Variants in ULK4 observed in about 807,000 individuals in gnomAD.
ULK4 encodes the protein unc-51 like kinase 4.
ULK4 carries 133 observed loss-of-function variants against 160.6 expected under a neutral mutation model. The ratio of observed to expected loss-of-function variants is 0.83; its 90% confidence interval spans 0.72 to 0.96. ULK4 has a LOEUF of 0.96. ULK4 is among the 40% of genes least tolerant of loss of function. The pLI is 0.00. For missense variants in ULK4, 1,580 were observed against 1,499.5 expected (o/e 1.05, Z -0.89); for synonymous variants, 534 against 539.8 (o/e 0.99, Z 0.15).
chr3:41,552,672 A>C (rs2087117696), intron 32 of ULK4, among the ~76,000 whole-genome samples: 1 of 152,042 alleles, frequency 6.6e-6, no homozygotes, highest in African/African-American at 2.4e-5. Context: ...ATACTGCCCA[A>C]AAGCTATATT....
intron 17 of ULK4, among the ~76,000 whole-genome samples, chr3:41,883,221 GCTA>G (rs1463346564): frequency 1.3e-5 from 2 of 152,132 alleles, no homozygotes; most frequent in Non-Finnish European, 2.9e-5. Context: ...ATACCAGTTG[GCTA>G]CTACAGTGGA....
chr3:41,562,189 C>T (rs1347293931), intron 32 of ULK4, among the ~76,000 whole-genome samples: 1 of 152,162 alleles, frequency 6.6e-6, no homozygotes, highest in Non-Finnish European at 1.5e-5. Context: ...GTTTCCTAAT[C>T]CTGAGTTCTA....
Position 41,306,232 on chromosome 3 carries a change from C to CG in ULK4, c.3679-56659_3679-56658insC, listed in dbSNP as rs1452221844. Among the ~76,000 whole-genome samples, 892 of 96,174 alleles carry CG rather than the reference C, an allele frequency of 9.3e-3. 71 individuals carry two copies. Among genetic ancestry groups the CG allele is most frequent in the East Asian group, 0.064 (199 of 3,102 alleles). 63.1% of individuals were successfully genotyped at this position (96,174 alleles called of 152,430 possible). On this transcript the variant is annotated intron_variant, in intron 35 of 36. Transcript: ENST00000301831. ...CCGGGAGGGAGGTGGGGGCGTCAGC[C>CG]CCCCGCCCGGCCAGCCGCCCCGTCC...
intron 1 of ULK4, among the ~76,000 whole-genome samples, chr3:41,961,423 T>G (rs930999903): frequency 5.3e-5 from 8 of 152,062 alleles, no homozygotes; most frequent in African/African-American, 1.9e-4. Flanking sequence ...GTCTGCGAAA[T>G]GCCAGCCAAA....
Position 41,677,534 on chromosome 3 carries a change from T to G in ULK4, c.2978+3974A>C, listed in dbSNP as rs548605067. Among the ~76,000 whole-genome samples, 3 of 151,912 alleles carry G rather than the reference T, an allele frequency of 2.0e-5. No homozygotes were observed. The East Asian group carries it at 5.9e-4, about 30-fold the overall frequency. ...CTTTAGTAGAGACCAGGTTTCACCA[T>G]GTTAGCCAGGATGGTCTCAATCTCC... On this transcript the variant is annotated intron_variant, in intron 29 of 36. Coordinates refer to ENST00000301831, the MANE Select transcript of ULK4 (RefSeq NM_017886.4).
At chr3:41,578,412 T>C (rs1405542768) in intron 31 of ULK4, among the ~76,000 whole-genome samples, 3 of 152,196 alleles carry the variant, frequency 2.0e-5, no homozygotes, top group Admixed American at 1.3e-4. Context: ...AGAACCATTA[T>C]ATTTGTTTAG....
At chr3:41,618,120 T>C (rs1575488751) in intron 30 of ULK4, among the ~76,000 whole-genome samples, 1 of 152,156 alleles carries the variant, frequency 6.6e-6, no homozygotes. Flanking sequence ...AATATGGGAC[T>C]ATGTGAAAAG....
At chr3:41,280,683 C>T (rs924984120) in intron 35 of ULK4, among the ~76,000 whole-genome samples, 1 of 152,154 alleles carries the variant, frequency 6.6e-6, no homozygotes, top group Admixed American at 6.5e-5. Context: ...ATTTATAGCA[C>T]TAAATGCCCA....
chr3:41,949,733 C>CTTTT, intron 2 of ULK4, among the ~76,000 whole-genome samples: 1 of 145,724 alleles, frequency 6.9e-6, no homozygotes, highest in Non-Finnish European at 1.5e-5. Flanking sequence ...CCACACCTGC[C>CTTTT]TTTTTTTTTT....
chr3:41,922,804 AAAG>A (rs145251672), intron 5 of ULK4, among the ~76,000 whole-genome samples: 10 of 152,296 alleles, frequency 6.6e-5, no homozygotes, highest in Admixed American at 1.3e-4. Context: ...AGAGAAAGGG[AAAG>A]AAGATTAGAT....
At chr3:41,403,926 A>G (rs1010907356) in intron 34 of ULK4, among the ~76,000 whole-genome samples, 1 of 151,846 alleles carries the variant, frequency 6.6e-6, no homozygotes, top group Admixed American at 6.6e-5. Context: ...TTCTAGTTTG[A>G]TTCTATTGTT....
intron 18 of ULK4, among the ~76,000 whole-genome samples, chr3:41,833,335 G>T (rs190497354): frequency 2.1e-5 from 3 of 146,130 alleles, no homozygotes; most frequent in East Asian, 4.0e-4. Flanking sequence ...TTGCTCTGTC[G>T]CCCAGGCTGG....
intron 30 of ULK4, among the ~76,000 whole-genome samples, chr3:41,662,866 A>G (rs753009865): frequency 6.6e-6 from 1 of 152,090 alleles, no homozygotes; most frequent in Non-Finnish European, 1.5e-5. Flanking sequence ...TGGCATCATC[A>G]TATTCAGTAC....
At chr3:41,645,184 G>T (rs932068047) in intron 30 of ULK4, among the ~76,000 whole-genome samples, 1 of 134,794 alleles carries the variant, frequency 7.4e-6, no homozygotes, top group Non-Finnish European at 1.5e-5. Context: ...TTTTTGTGTC[G>T]TATTTCCTTC....
intron 21 of ULK4, among the ~76,000 whole-genome samples, chr3:41,781,221 A>G (rs2039829697): frequency 6.6e-6 from 1 of 152,092 alleles, no homozygotes; most frequent in Non-Finnish European, 1.5e-5. Flanking sequence ...GGTCAGGAAA[A>G]TATGAACTCT....
chr3:41,767,119 T>C (rs1348221000), intron 21 of ULK4, among the ~76,000 whole-genome samples: 1 of 152,236 alleles, frequency 6.6e-6, no homozygotes, highest in Non-Finnish European at 1.5e-5. Context: ...AAGGATATTA[T>C]TAATACTGTA....
chr3:41,663,868 G>A (rs553344617), intron 29 of ULK4, among the ~76,000 whole-genome samples, 169 bp from the exon 30 acceptor site: 41 of 152,240 alleles, frequency 2.7e-4, no homozygotes, highest in African/African-American at 7.9e-4. Context: ...GAAAGTTACT[G>A]GCAAATATGC....
intron 30 of ULK4, among the ~76,000 whole-genome samples, chr3:41,633,101 G>A (rs1331182115): frequency 1.3e-5 from 2 of 152,184 alleles, no homozygotes; most frequent in African/African-American, 4.8e-5. Flanking sequence ...AAAGAAGGTA[G>A]CGAAAGATCC....
chr3:41,691,943 C>CTTTT (rs751734628), intron 27 of ULK4, among the ~76,000 whole-genome samples: 1,064 of 96,338 alleles, frequency 0.011, 189 homozygotes, highest in African/African-American at 0.057. Flanking sequence ...CAAATCACTT[C>CTTTT]TTTTTTTTTT....
Sources: allele counts gnomAD v4.1 joint callset (sites outside exome capture counted in the v4.1 genomes callset), GRCh38; gene constraint gnomAD v4.1.1; transcripts MANE v1.5; gene names NCBI Gene and HGNC (gene_info 2026-07-23, HGNC 2026-07-21).